The following CENPC variants were observed in gnomAD, a reference collection of about 807,000 sequenced individuals.
CENPC encodes centromere protein C, also known as CENP-C 1.
CENPC carries 63 observed loss-of-function variants against 112.1 expected under a neutral mutation model. That is an observed-to-expected ratio of 0.56 (90% CI 0.46 to 0.69). CENPC has a LOEUF of 0.69. CENPC is among the 30% of genes least tolerant of loss of function. The probability of loss-of-function intolerance (pLI) is 0.00; values close to 1 mark genes in which losing one functional copy is unlikely to be tolerated. For synonymous variants in CENPC, 333 were observed against 367.6 expected (o/e 0.91, Z 1.08); for missense variants, 1,000 against 1,103.8 (o/e 0.91, Z 1.33).
chr4:67,491,912 G>T (rs1000224111), intron 16 of CENPC, among the ~76,000 whole-genome samples: 2 of 152,168 alleles, frequency 1.3e-5, no homozygotes, highest in Non-Finnish European at 2.9e-5. Context: ...CCTAGACCCT[G>T]TTGGGGGAGA....
Position 67,514,194 on chromosome 4 carries a change from C to T in CENPC, c.1324G>A (p.Glu442Lys). Residue 442 changes from glutamate to lysine, a missense_variant, in exon 8 of 19, where the codon GAA becomes AAA. Physicochemically the swap from Glu to Lys is moderately conservative, Grantham distance 56. Coordinates refer to ENST00000273853, the MANE Select transcript of CENPC (RefSeq NM_001812.4). ...GTAATATGTGATGTATGTATGTTTTCATCTTTAGACTGTCCCACATCAAGC... is the reference window on the plus strand; with the variant it reads ...GTAATATGTGATGTATGTATGTTTTTATCTTTAGACTGTCCCACATCAAGC... ...EQLDVGQSKD[E>K]NIHTSHITQD... The T allele has an allele frequency of 1.2e-6, 2 of 1,612,926 alleles. No individual in the cohort carries two copies. Among genetic ancestry groups the T allele is most frequent in the Non-Finnish European group, 1.7e-6 (2 of 1,179,530 alleles).
At chr4:67,479,828 C>T (rs1039524305) in intron 17 of CENPC, among the ~76,000 whole-genome samples, 10 of 152,128 alleles carry the variant, frequency 6.6e-5, no homozygotes, top group African/African-American at 2.4e-4. Flanking sequence ...GGAGATATTA[C>T]AACCAATACC....
chr4:67,544,065 G>A (rs1341347330), intron 2 of CENPC, 84 bp downstream of exon 2: 5 of 729,572 alleles, frequency 6.9e-6, no homozygotes, highest in Middle Eastern at 2.3e-4. Context: ...ATTAGTCAGA[G>A]GTGATAGTTT....
In CENPC at chr4:67,539,899, A is replaced by G; in HGVS notation, c.172T>C (p.Ser58Pro). 6.5e-7 allele frequency: 1 copy of G among 1,527,636 alleles called. No individual in the cohort carries two copies. The allele number at this position is 1,527,636 out of a possible 1,614,324, so 94.6% of individuals were successfully genotyped here. A position where few individuals can be genotyped will look rare whatever the true frequency, so the allele number is the denominator to read the frequency against. Residue 58 changes from serine (S) to proline (P), a missense_variant, in exon 4 of 19, where the codon TCA becomes CCA. Physicochemically the swap from Ser to Pro is moderately conservative, Grantham distance 74. Coordinates refer to ENST00000273853, the MANE Select transcript of CENPC (RefSeq NM_001812.4). ...ANDFSTNSTKSVPNSTRKIKD... is the reference protein window; with the variant it reads ...ANDFSTNSTKPVPNSTRKIKD... ...ATTTTGCGTGTTGAATTAGGCACTGATTTTGTAGAATTTGTACTAAAATCA... is the reference window on the plus strand; with the variant it reads ...ATTTTGCGTGTTGAATTAGGCACTGGTTTTGTAGAATTTGTACTAAAATCA...
rs903601489 is a variant in CENPC at position 67,498,805 on chromosome 4, G to C, written c.2132-3593C>G. ...CTTCTTCCAAGCTCCTGTTAATATTGATATTTTGACCTCCTCCCATGAAAC... is the reference window on the plus strand; with the variant it reads ...CTTCTTCCAAGCTCCTGTTAATATTCATATTTTGACCTCCTCCCATGAAAC... On this transcript the variant is annotated intron_variant, in intron 12 of 18. Coordinates refer to ENST00000273853, the MANE Select transcript of CENPC (RefSeq NM_001812.4). 6.6e-5 allele frequency among the ~76,000 whole-genome samples: 10 copies of C among 152,072 alleles called. 1 individual carries two copies. Among genetic ancestry groups the C allele is most frequent in the Non-Finnish European group, 1.5e-4 (10 of 68,032 alleles).
rs1724648760 is a variant in CENPC, at chr4:67,471,093, C to T, written c.*1512G>A. 1 of 152,220 alleles carries T rather than the reference C, an allele frequency of 6.6e-6. No individual in the cohort carries two copies. Among genetic ancestry groups the T allele is most frequent in the Non-Finnish European group, 1.5e-5 (1 of 68,046 alleles). 9.4% of individuals were successfully genotyped at this position (152,220 alleles called of 1,614,324 possible). A position where few individuals can be genotyped will look rare whatever the true frequency, so the allele number is the denominator to read the frequency against. On this transcript the variant is annotated 3_prime_UTR_variant, in exon 19 of 19. Coordinates refer to ENST00000273853, the MANE Select transcript of CENPC (RefSeq NM_001812.4). ...CCCCCATCCCACACAGAACAACCAA[C>T]AGTGGGTGGAAGGCTTATAGACTCA...
At chr4:67,497,351 C>G (rs1380213293) in intron 12 of CENPC, among the ~76,000 whole-genome samples, 1 of 151,954 alleles carries the variant, frequency 6.6e-6, no homozygotes, top group Non-Finnish European at 1.5e-5. Flanking sequence ...GCACTCCACT[C>G]TGGGCGACAG....
chr4:67,475,755 C>T (rs1431513075), intron 17 of CENPC, among the ~76,000 whole-genome samples: 1 of 152,162 alleles, frequency 6.6e-6, no homozygotes, highest in Non-Finnish European at 1.5e-5. Flanking sequence ...CCCGCCATCG[C>T]GCCTGGCTAA....
rs755569754 is a variant in CENPC, at chr4:67,518,320, A to C, written c.666T>G (p.Asn222Lys). The change falls in exon 7 of 19, where the codon AAT (asparagine) becomes AAG (lysine). Residue 222 changes from asparagine (N) to lysine (K), a missense_variant. Asn to Lys is a moderately conservative substitution (Grantham distance 94). Coordinates refer to ENST00000273853, the MANE Select transcript of CENPC (RefSeq NM_001812.4). Reference sequence around the variant, plus strand: ...TTTTATCCTCTTCATCTGATACTTTATTATCTATTTCTATTTTCTTTAACA... The same window carrying C: ...TTTTATCCTCTTCATCTGATACTTTCTTATCTATTTCTATTTTCTTTAACA... ...KVMLKKIEID[N>K]KVSDEEDKTS... is the part of the protein sequence containing the mutation. The C allele has an allele frequency of 1.9e-6, 3 of 1,543,182 alleles. No homozygotes were observed. The highest frequency in any genetic ancestry group is 2.6e-6 in the Non-Finnish European group (3 of 1,145,984).
rs1386625113 is a variant in CENPC, at chr4:67,484,895, C to T, written c.2670+5072G>A. Among the ~76,000 whole-genome samples, 4 of 152,212 alleles carry T rather than the reference C, an allele frequency of 2.6e-5. No homozygotes were observed. The East Asian group carries it at 7.7e-4, about 29-fold the overall frequency. On this transcript the variant is annotated intron_variant, in intron 17 of 18. Coordinates refer to ENST00000273853, the MANE Select transcript of CENPC (RefSeq NM_001812.4). ...GATCACGAGGTCAGGAGATCGAGAC[C>T]ATCCTGGCTAACACAGTGAAACCCC...
rs561134962 is a variant in CENPC, at chr4:67,471,761, A to G, written c.*844T>C. Reference sequence around the variant, plus strand: ...AGTTAATGAGAATTATATGCTAACCATACCAAAAACCTTGATTAGAATTTT... The same window carrying G: ...AGTTAATGAGAATTATATGCTAACCGTACCAAAAACCTTGATTAGAATTTT... On this transcript the variant is annotated 3_prime_UTR_variant, in exon 19 of 19. Transcript: ENST00000273853. 3 of 152,348 alleles carry G rather than the reference A, an allele frequency of 2.0e-5. No homozygotes were observed. Among genetic ancestry groups the G allele is most frequent in the African/African-American group, 7.2e-5 (3 of 41,580 alleles). The allele number at this position is 152,348 out of a possible 1,614,324, so 9.4% of individuals were successfully genotyped here. A position where few individuals can be genotyped will look rare whatever the true frequency, so the allele number is the denominator to read the frequency against.
intron 9 of CENPC, among the ~76,000 whole-genome samples, chr4:67,511,854 C>T (rs1349573373): frequency 6.6e-6 from 1 of 152,116 alleles, no homozygotes; most frequent in Non-Finnish European, 1.5e-5. Context: ...CTGCTGATTT[C>T]CTCCAGACTT....
At position 67,494,645 on chromosome 4, in the gene CENPC, C is replaced by T. The variant is rs75251621; in HGVS notation, c.2185+514G>A. ...CAAATAAAGGGAGAAACATGGAAAG[C>T]CACCCAACATCACAGAAAGGTGGGA... On this transcript the variant is annotated intron_variant, in intron 13 of 18. Transcript: ENST00000273853. Among the ~76,000 whole-genome samples, 812 of 152,290 alleles carry T rather than the reference C, an allele frequency of 5.3e-3. 9 individuals are homozygous for T. The highest frequency in any genetic ancestry group is 0.019 in the African/African-American group (775 of 41,566).
chr4:67,469,048 C>G lies in CENPC; in HGVS notation c.*3557G>C, dbSNP rs1724583490. 6.6e-6 allele frequency: 1 copy of G among 152,150 alleles called. No homozygotes were observed. The highest frequency in any genetic ancestry group is 6.5e-5 in the Admixed American group (1 of 15,274). 9.4% of individuals were successfully genotyped at this position (152,150 alleles called of 1,614,324 possible). A position where few individuals can be genotyped will look rare whatever the true frequency, so the allele number is the denominator to read the frequency against. ...AATTCACACATATGATGAAATAGAA[C>G]TATACACATGCATTGTATCCTTGCC... On this transcript the variant is annotated 3_prime_UTR_variant, in exon 19 of 19. Transcript: ENST00000273853.
chr4:67,533,213 G>A (rs1241702044), intron 4 of CENPC, among the ~76,000 whole-genome samples: 1 of 152,194 alleles, frequency 6.6e-6, no homozygotes, highest in Non-Finnish European at 1.5e-5. Context: ...TCTCGTGATA[G>A]TGAATAAGTC....
intron 17 of CENPC, among the ~76,000 whole-genome samples, chr4:67,478,661 CACACA>C (rs753552524): frequency 5.2e-4 from 79 of 150,492 alleles, no homozygotes; most frequent in Admixed American, 1.9e-3. Flanking sequence ...CACACACACA[CACACA>C]CCCAAAGTAT....
intron 1 of CENPC, among the ~76,000 whole-genome samples, chr4:67,544,450 T>C (rs756183500): frequency 6.6e-6 from 1 of 152,246 alleles, no homozygotes; most frequent in Non-Finnish European, 1.5e-5. Flanking sequence ...CTTCTGATTA[T>C]ATATAATGTA....
At chr4:67,528,183 A>G (rs1726440398) in intron 5 of CENPC, among the ~76,000 whole-genome samples, 1 of 152,222 alleles carries the variant, frequency 6.6e-6, no homozygotes, top group African/African-American at 2.4e-5. Context: ...AATTAGCCTC[A>G]TAATTTAAAA....
At chr4:67,503,289 T>A (rs768068102) in intron 12 of CENPC, among the ~76,000 whole-genome samples, 8 of 152,084 alleles carry the variant, frequency 5.3e-5, no homozygotes, top group Non-Finnish European at 5.9e-5. Context: ...TTGCCCTTCA[T>A]CTTCCCTCTA....
Sources: allele counts gnomAD v4.1 joint callset (sites outside exome capture counted in the v4.1 genomes callset), GRCh38; gene constraint gnomAD v4.1.1; transcripts MANE v1.5; gene names NCBI Gene and HGNC (gene_info 2026-07-23, HGNC 2026-07-21).